FYB1: variants seen among roughly 807,000 people sequenced by gnomAD.
FYB1 encodes FYN-binding protein 1.
A neutral mutation model predicts 94.1 loss-of-function variants in FYB1; 41 were observed. The ratio of observed to expected loss-of-function variants is 0.44; its 90% CI spans 0.34 to 0.57. FYB1 has a LOEUF of 0.57. Among genes scored for constraint, FYB1 ranks in the 20% least tolerant of loss-of-function variants. The pLI is 0.02. For synonymous variants in FYB1, 367 were observed against 353.2 expected, an observed-to-expected ratio of 1.04 and a Z score of -0.44; for missense variants, 1,050 against 976.8, an observed-to-expected ratio of 1.07 and a Z score of -1.00.
At chr5:39,148,185 A>G (rs1326422128) in intron 3 of FYB1, among the ~76,000 whole-genome samples, 2 of 82,416 alleles carry the variant, frequency 2.4e-5, no homozygotes, top group African/African-American at 1.2e-4. Context: ...ATATATATAT[A>G]TATATATATA....
At chr5:39,258,219 A>G (rs1377780095) in intron 1 of FYB1, among the ~76,000 whole-genome samples, 1 of 152,210 alleles carries the variant, frequency 6.6e-6, no homozygotes, top group Non-Finnish European at 1.5e-5. Context: ...CTAGTGTCTC[A>G]TCTACCCTGA....
chr5:39,120,038 T>C (rs749042238), intron 14 of FYB1, among the ~76,000 whole-genome samples: 15 of 152,104 alleles, frequency 9.9e-5, no homozygotes, highest in Non-Finnish European at 2.2e-4. Flanking sequence ...AAAAGAAGAG[T>C]TCAAAAACAA....
intron 1 of FYB1, among the ~76,000 whole-genome samples, chr5:39,215,055 T>C (rs1255484199): frequency 3.3e-5 from 5 of 152,160 alleles, no homozygotes; most frequent in Admixed American, 1.3e-4. Flanking sequence ...TAATGTTTAA[T>C]GGATATAGAG....
chr5:39,118,667 G>A (rs898043763), intron 16 of FYB1, among the ~76,000 whole-genome samples: 1 of 152,156 alleles, frequency 6.6e-6, no homozygotes, highest in African/African-American at 2.4e-5. Flanking sequence ...TATATAGATA[G>A]TATATGGTAA....
chr5:39,176,353 T>C (rs1745734492), intron 2 of FYB1, among the ~76,000 whole-genome samples: 1 of 151,870 alleles, frequency 6.6e-6, no homozygotes, highest in Non-Finnish European at 1.5e-5. Flanking sequence ...GTTTCACCAG[T>C]TGGCCAGGCT....
intron 1 of FYB1, among the ~76,000 whole-genome samples, chr5:39,243,572 C>T (rs1286928322): frequency 2.4e-4 from 37 of 152,122 alleles, no homozygotes; most frequent in South Asian, 1.7e-3. Context: ...AGTCAGGTGG[C>T]GTGATGCCTC....
At chr5:39,229,202 T>G (rs1030630734) in intron 1 of FYB1, among the ~76,000 whole-genome samples, 1 of 152,136 alleles carries the variant, frequency 6.6e-6, no homozygotes, top group South Asian at 2.1e-4. Context: ...TGATACTCCC[T>G]TACTAAAGGA....
chr5:39,256,612 A>T (rs1342247934), intron 1 of FYB1, among the ~76,000 whole-genome samples: 1 of 152,162 alleles, frequency 6.6e-6, no homozygotes, highest in Non-Finnish European at 1.5e-5. Context: ...ATCGGAAGCT[A>T]CGACGATTTC....
At chr5:39,150,359 G>A (rs1229134523) in intron 3 of FYB1, among the ~76,000 whole-genome samples, 2 of 152,148 alleles carry the variant, frequency 1.3e-5, no homozygotes, top group Non-Finnish European at 2.9e-5. Context: ...CTATCTCCCT[G>A]TACCTGCCTT....
chr5:39,220,492 A>T (rs949045130), upstream of FYB1, among the ~76,000 whole-genome samples: 1 of 151,838 alleles, frequency 6.6e-6, no homozygotes, highest in South Asian at 2.1e-4. Flanking sequence ...AAAAGAAAAG[A>T]GAAAAAAAGA....
intron 1 of FYB1, among the ~76,000 whole-genome samples, chr5:39,259,059 T>C (rs1752103443): frequency 6.6e-6 from 1 of 151,832 alleles, no homozygotes; most frequent in Non-Finnish European, 1.5e-5. Context: ...AACTGGGGGG[T>C]TGGGGATTTT....
chr5:39,133,884 T>C (rs1159626990), intron 9 of FYB1, among the ~76,000 whole-genome samples: 1 of 152,198 alleles, frequency 6.6e-6, no homozygotes, highest in African/African-American at 2.4e-5. Flanking sequence ...TGCTTCATAT[T>C]TTACCAAATC....
At chr5:39,158,577 T>G (rs530532781) in intron 2 of FYB1, among the ~76,000 whole-genome samples, 46 of 152,348 alleles carry the variant, frequency 3.0e-4, no homozygotes, top group Admixed American at 9.8e-4. Flanking sequence ...TCACAAACTT[T>G]GCATTTTATG....
chr5:39,127,093 A>G (rs896761340), intron 11 of FYB1, among the ~76,000 whole-genome samples: 4 of 150,192 alleles, frequency 2.7e-5, no homozygotes, highest in African/African-American at 7.3e-5. Context: ...AGAAATCTTA[A>G]ACTTTTAAAT....
At chr5:39,188,780 G>A (rs113879445) in intron 2 of FYB1, among the ~76,000 whole-genome samples, 6,245 of 151,894 alleles carry the variant, frequency 0.041, 443 homozygotes, top group African/African-American at 0.14. Context: ...TAATCCGCCC[G>A]TCTCAGCCTC....
chr5:39,274,011 G>A (rs112509826), intron 1 of FYB1, among the ~76,000 whole-genome samples: 17,234 of 151,332 alleles, frequency 0.11, 1,252 homozygotes, highest in African/African-American at 0.2. Flanking sequence ...TGCAACCTCC[G>A]CCTCCCAGGT....
In FYB1 at chr5:39,234,896, C is replaced by T. The variant is rs184337645; in HGVS notation, c.-27-31909G>A. Among the ~76,000 whole-genome samples, 771 of 151,240 alleles carry T rather than the reference C, an allele frequency of 5.1e-3. 6 individuals carry two copies. Among genetic ancestry groups the T allele is most frequent in the Middle Eastern group, 0.034 (10 of 294 alleles). On this transcript the variant is annotated intron_variant, in intron 1 of 1. Coordinates refer to the FYB1 transcript ENST00000510188. ...CATACACCAGGGCCTGTCAGGGGGT[C>T]GGGGGCAAGGGGTGGGATAGTATTA...
intron 2 of FYB1, among the ~76,000 whole-genome samples, chr5:39,200,130 C>G (rs560867711): frequency 6.6e-6 from 1 of 152,178 alleles, no homozygotes; most frequent in Non-Finnish European, 1.5e-5. Context: ...AGTGAGGAAG[C>G]ATTCAGGAGC....
intron 1 of FYB1, among the ~76,000 whole-genome samples, chr5:39,249,213 A>G (rs1382385440): frequency 6.6e-6 from 1 of 152,230 alleles, no homozygotes; most frequent in Non-Finnish European, 1.5e-5. Context: ...GGTTGTGGCC[A>G]AAGAATGCCA....
Sources: gnomAD v4.1 joint callset for allele counts (sites outside exome capture counted in the v4.1 genomes callset) on GRCh38, gnomAD v4.1.1 for gene constraint, MANE v1.5 for transcripts, NCBI Gene and HGNC (gene_info 2026-07-23, HGNC 2026-07-21) for gene names.